The following ERBB4 variants were observed in gnomAD, a reference collection of about 807,000 sequenced individuals.
ERBB4 encodes erb-b2 receptor tyrosine kinase 4, also known as receptor tyrosine-protein kinase erbB-4.
A neutral mutation model predicts 158.0 loss-of-function variants in ERBB4; 42 were observed. That is an observed-to-expected ratio of 0.27 (90% CI 0.21 to 0.34). ERBB4 has a LOEUF of 0.34. Ranked by LOEUF, ERBB4 falls within the 10% of genes least tolerant of loss-of-function variation. The pLI, the probability that ERBB4 is intolerant of heterozygous loss-of-function variation, is 1.00. For missense variants in ERBB4, 1,333 were observed against 1,624.1 expected (o/e 0.82, Z 3.08); for synonymous variants, 583 against 558.7 (o/e 1.04, Z -0.61).
intron 3 of ERBB4, among the ~76,000 whole-genome samples, chr2:211,946,716 C>A (rs1191786930): frequency 6.8e-6 from 1 of 147,486 alleles, no homozygotes; most frequent in Non-Finnish European, 1.5e-5. Context: ...AAGTAAAATT[C>A]ATTATACCAA....
intron 1 of ERBB4, among the ~76,000 whole-genome samples, chr2:212,155,916 GA>G (rs1251198860): frequency 2.6e-5 from 4 of 152,018 alleles, no homozygotes; most frequent in African/African-American, 9.7e-5. Flanking sequence ...TACAATATCA[GA>G]AAAAAATTTT....
At chr2:212,358,022 G>C (rs1409147201) in intron 1 of ERBB4, among the ~76,000 whole-genome samples, 1 of 151,808 alleles carries the variant, frequency 6.6e-6, no homozygotes, top group African/African-American at 2.4e-5. Context: ...TTGCTTTTCA[G>C]AGCATTTCTA....
At chr2:212,537,469 G>A (rs955200464) in intron 1 of ERBB4, among the ~76,000 whole-genome samples, 1 of 152,020 alleles carries the variant, frequency 6.6e-6, no homozygotes, top group African/African-American at 2.4e-5. Flanking sequence ...TGGCGGGCCA[G>A]CCCCGCCGCG....
chr2:211,607,358 G>A (rs2069022439), intron 19 of ERBB4, among the ~76,000 whole-genome samples: 1 of 152,108 alleles, frequency 6.6e-6, no homozygotes, highest in Non-Finnish European at 1.5e-5. Flanking sequence ...TCAGTTCAAT[G>A]AGCTCAGGGA....
intron 1 of ERBB4, among the ~76,000 whole-genome samples, chr2:212,136,363 A>G (rs1235641975): frequency 6.6e-6 from 1 of 152,188 alleles, no homozygotes; most frequent in African/African-American, 2.4e-5. Context: ...GGCACTATCT[A>G]GGGTAAATGT....
intron 2 of ERBB4, among the ~76,000 whole-genome samples, chr2:212,066,155 G>C (rs1392960009): frequency 6.6e-6 from 1 of 151,726 alleles, no homozygotes; most frequent in Non-Finnish European, 1.5e-5. Context: ...TCTTACTCTG[G>C]GATGTGGAGC....
At chr2:212,412,986 G>C (rs1001633980) in intron 1 of ERBB4, among the ~76,000 whole-genome samples, 1 of 150,120 alleles carries the variant, frequency 6.7e-6, no homozygotes, top group Non-Finnish European at 1.5e-5. Flanking sequence ...TTGTTTTTTT[G>C]AGACAGAGTC....
chr2:212,331,777 T>G (rs1043835511), intron 1 of ERBB4, among the ~76,000 whole-genome samples: 7 of 152,086 alleles, frequency 4.6e-5, no homozygotes, highest in African/African-American at 9.7e-5. Flanking sequence ...GGGCAAAGAT[T>G]CATGTTACAT....
chr2:211,795,100 T>C (rs943569715), intron 3 of ERBB4, among the ~76,000 whole-genome samples: 2 of 151,860 alleles, frequency 1.3e-5, no homozygotes, highest in East Asian at 3.9e-4. Flanking sequence ...CAAATCCATC[T>C]TGCATATTAA....
intron 1 of ERBB4, among the ~76,000 whole-genome samples, chr2:212,518,155 G>A (rs1691946640): frequency 6.6e-6 from 1 of 151,952 alleles, no homozygotes; most frequent in African/African-American, 2.4e-5. Context: ...CCATAAATCA[G>A]TCTAAAACAC....
intron 1 of ERBB4, among the ~76,000 whole-genome samples, chr2:212,394,780 G>C (rs2090976099): frequency 6.6e-6 from 1 of 152,056 alleles, no homozygotes; most frequent in South Asian, 2.1e-4. Flanking sequence ...TGAAGACATA[G>C]AGAAAACTGA....
intron 1 of ERBB4, among the ~76,000 whole-genome samples, chr2:212,219,456 A>G (rs2083217484): frequency 6.6e-6 from 1 of 151,432 alleles, no homozygotes; most frequent in African/African-American, 2.4e-5. Context: ...TTAATAAAAA[A>G]TAATAAGATT....
At position 211,379,122 on chromosome 2, in the gene ERBB4, A is replaced by ATTCT. The variant is rs2062531303; in HGVS notation, c.*4489_*4492dup. 2 of 230,702 alleles carry ATTCT rather than the reference A, an allele frequency of 8.7e-6. No homozygotes were observed. The highest frequency in any genetic ancestry group is 1.2e-4 in the East Asian group (2 of 16,218). 14.3% of individuals were successfully genotyped at this position (230,702 alleles called of 1,614,324 possible). ...GCATTTATTTATCAGAAAAATTGTG[A>ATTCT]TTCTTTGTTGTCATTTTTGGAGGCA... On this transcript the variant is annotated 3_prime_UTR_variant, in exon 28 of 28. Transcript: ENST00000342788.
chr2:211,716,076 T>A (rs1286518198), intron 7 of ERBB4, among the ~76,000 whole-genome samples: 1 of 152,160 alleles, frequency 6.6e-6, no homozygotes, highest in South Asian at 2.1e-4. Flanking sequence ...AGAAGCTGAA[T>A]GTCCGACCGG....
intron 1 of ERBB4, among the ~76,000 whole-genome samples, chr2:212,190,491 C>A (rs993706267): frequency 1.3e-5 from 2 of 149,246 alleles, no homozygotes; most frequent in African/African-American, 2.5e-5. Flanking sequence ...GAGCGGAGAT[C>A]GTGCCATTGC....
At chr2:211,473,878 A>AAGAT (rs2064890622) in intron 20 of ERBB4, among the ~76,000 whole-genome samples, 1 of 152,068 alleles carries the variant, frequency 6.6e-6, no homozygotes, top group African/African-American at 2.4e-5. Context: ...ATTGAAGATA[A>AAGAT]AGATATCCCT....
At chr2:211,644,614 G>A (rs2070719298) in intron 16 of ERBB4, among the ~76,000 whole-genome samples, 1 of 151,892 alleles carries the variant, frequency 6.6e-6, no homozygotes, top group African/African-American at 2.4e-5. Flanking sequence ...CTCCAAGCTA[G>A]AATATTAATT....
At chr2:211,571,185 C>G (rs893037794) in intron 19 of ERBB4, among the ~76,000 whole-genome samples, 1 of 151,346 alleles carries the variant, frequency 6.6e-6, no homozygotes, top group Admixed American at 6.6e-5. Flanking sequence ...TGGGACTACA[C>G]CTCTTGTCCC....
At chr2:212,206,261 G>T (rs146442573) in intron 1 of ERBB4, among the ~76,000 whole-genome samples, 1,715 of 152,220 alleles carry the variant, frequency 0.011, 14 homozygotes, top group Middle Eastern at 0.024. Flanking sequence ...GCTACTTAGA[G>T]GCAGTCAAAT....
Sources: gnomAD v4.1 joint callset for allele counts (sites outside exome capture counted in the v4.1 genomes callset) on GRCh38, gnomAD v4.1.1 for gene constraint, MANE v1.5 for transcripts, NCBI Gene and HGNC (gene_info 2026-07-23, HGNC 2026-07-21) for gene names.